Variants in SOS1 observed in about 807,000 individuals in gnomAD.
The protein encoded by SOS1 is SOS Ras/Rac guanine nucleotide exchange factor 1, also known as son of sevenless homolog 1.
In SOS1, 25 loss-of-function variants were observed where a neutral mutation model predicts 157.6. That is an observed-to-expected ratio of 0.16 (90% CI 0.12 to 0.22). The LOEUF (loss-of-function observed/expected upper bound fraction) is 0.22. SOS1 is among the 10% of genes least tolerant of loss of function. The pLI, the probability that SOS1 is intolerant of heterozygous loss-of-function variation, is 1.00. For missense variants in SOS1, 1,237 were observed against 1,599.1 expected, an observed-to-expected ratio of 0.77 and a Z score of 3.86; for synonymous variants, 528 against 534.0, an observed-to-expected ratio of 0.99 and a Z score of 0.16.
At chr2:39,030,143 G>A (rs1397992162) in intron 8 of SOS1, among the ~76,000 whole-genome samples, 3 of 151,048 alleles carry the variant, frequency 2.0e-5, no homozygotes, top group East Asian at 1.9e-4. Flanking sequence ...TCCAGCCTGG[G>A]TGACAGAACA....
chr2:39,053,959 G>A (rs373140872), intron 5 of SOS1, among the ~76,000 whole-genome samples: 122 of 150,436 alleles, frequency 8.1e-4, no homozygotes, highest in African/African-American at 2.9e-3. Flanking sequence ...ACGGAGTCTC[G>A]CTCTGTCGCC....
At position 38,985,849 on chromosome 2, in the gene SOS1, A is replaced by C. The variant is rs1371048349; in HGVS notation, c.3977T>G (p.Leu1326Arg). The change falls in exon 23 of 23, where the codon CTG becomes CGG. Residue 1326 changes from leucine (L) to arginine (R), a missense_variant. Physicochemically the swap from Leu to Arg is moderately radical, Grantham distance 102. Coordinates refer to ENST00000402219, the MANE Select transcript of SOS1 (RefSeq NM_005633.4). ...TCAGGAAGAATGGGCATTCTCCAACAGTGGTGGTCCATCTCTGTGCATGGA... is the reference window on the plus strand; with the variant it reads ...TCAGGAAGAATGGGCATTCTCCAACCGTGGTGGTCCATCTCTGTGCATGGA... ...HPSMHRDGPP[L>R]LENAHSS is the part of the protein sequence containing the mutation. 1 of 1,613,830 alleles carries C rather than the reference A, an allele frequency of 6.2e-7. No homozygotes were observed. Among genetic ancestry groups the C allele is most frequent in the Admixed American group, 1.7e-5 (1 of 59,980 alleles).
intron 1 of SOS1, among the ~76,000 whole-genome samples, chr2:39,072,299 T>C (rs1671819771): frequency 6.6e-6 from 1 of 152,202 alleles, no homozygotes. Flanking sequence ...CTCCTTGCTT[T>C]TCACTCTAAA....
chr2:38,984,846 T>A lies in SOS1; in HGVS notation c.*978A>T, dbSNP rs1668506847. ...GCAAGATAATTCTAGATATGCTGAT[T>A]ACTCAACTATGTGTAAAACATGAGC... On this transcript the variant is annotated 3_prime_UTR_variant, in exon 23 of 23. Transcript: ENST00000402219. 1 of 152,214 alleles carries A rather than the reference T, an allele frequency of 6.6e-6. No individual in the cohort carries two copies. The highest frequency in any genetic ancestry group is 1.9e-4 in the East Asian group (1 of 5,200). 9.4% of individuals were successfully genotyped at this position (152,214 alleles called of 1,614,324 possible). A position where few individuals can be genotyped will look rare whatever the true frequency, so the allele number is the denominator to read the frequency against.
intron 6 of SOS1, 56 bp from the exon 7 acceptor site, chr2:39,035,556 A>G (rs969427372): frequency 1.6e-6 from 2 of 1,290,016 alleles, no homozygotes; most frequent in Middle Eastern, 1.8e-4. Flanking sequence ...ACACAGAAAG[A>G]TTTAATTATG....
intron 1 of SOS1, among the ~76,000 whole-genome samples, chr2:39,099,370 A>C (rs297151): frequency 0.89 from 135,081 of 152,150 alleles, 60,085 homozygotes; most frequent in Non-Finnish European, 0.92. Context: ...TTATGAGTCC[A>C]TTTATATGAA....
At chr2:39,042,638 T>G (rs1203021851) in intron 6 of SOS1, among the ~76,000 whole-genome samples, 1 of 151,440 alleles carries the variant, frequency 6.6e-6, no homozygotes. Flanking sequence ...CTCCTGACCT[T>G]GTGATCCGCC....
chr2:38,992,926 C>T (rs1668776983), intron 20 of SOS1: 2 of 151,950 alleles, frequency 1.3e-5, no homozygotes, highest in Admixed American at 6.6e-5. Flanking sequence ...AAATATCTGA[C>T]AGCTTACTAT....
Position 38,985,851 on chromosome 2 carries a change from T to A in SOS1, c.3975A>T (p.Pro1325=). 1 of 1,613,754 alleles carries A rather than the reference T, an allele frequency of 6.2e-7. No individual in the cohort carries two copies. Among genetic ancestry groups the A allele is most frequent in the Non-Finnish European group, 8.5e-7 (1 of 1,179,800 alleles). Residue 1325 remains proline, a synonymous_variant, in exon 23 of 23, where the codon CCA becomes CCT. Transcript: ENST00000402219. The part of the protein sequence containing the change: ...THPSMHRDGP[P]LLENAHSS ...AGGAAGAATGGGCATTCTCCAACAG[T>A]GGTGGTCCATCTCTGTGCATGGATG...
chr2:38,987,743 A>T (rs993624809), intron 21 of SOS1, 152 bp from the exon 22 acceptor site: 3 of 613,512 alleles, frequency 4.9e-6, no homozygotes, highest in Non-Finnish European at 8.7e-6. Flanking sequence ...ATAGTATTTC[A>T]TTAAAGCAAA....
At chr2:39,113,967 T>C (rs959901752) in intron 1 of SOS1, among the ~76,000 whole-genome samples, 2 of 152,266 alleles carry the variant, frequency 1.3e-5, no homozygotes, top group Non-Finnish European at 2.9e-5. Flanking sequence ...TTCCATCTTC[T>C]ACTATCACAA....
chr2:39,051,226 C>T lies in SOS1; in HGVS notation c.782G>A (p.Gly261Asp). The part of the protein sequence containing the change: ...DIHELSVKLL[G>D]HIEDTVEMTD... ...CATTTCTACTGTATCTTCTATATGGCCCAGTAACTTTACACTAAGTTCATG... is the reference window on the plus strand; with the variant it reads ...CATTTCTACTGTATCTTCTATATGGTCCAGTAACTTTACACTAAGTTCATG... The change falls in exon 6 of 23, where the codon GGC (glycine) becomes GAC (aspartate). Residue 261 changes from glycine to aspartate, a missense_variant. Gly to Asp is a moderately conservative substitution (Grantham distance 94). Coordinates refer to ENST00000402219, the MANE Select transcript of SOS1 (RefSeq NM_005633.4). 2 of 1,611,780 alleles carry T rather than the reference C, an allele frequency of 1.2e-6. No individual in the cohort carries two copies. The highest frequency in any genetic ancestry group is 1.7e-6 in the Non-Finnish European group (2 of 1,177,932).
chr2:38,987,729 C>A (rs1040023115), intron 21 of SOS1, 138 bp from the exon 22 acceptor site: 9 of 645,254 alleles, frequency 1.4e-5, no homozygotes, highest in Non-Finnish European at 1.9e-5. Context: ...TAAACCAATA[C>A]CGAATAGTAT....
chr2:39,085,643 T>C (rs1015878840), intron 1 of SOS1, among the ~76,000 whole-genome samples: 2 of 152,224 alleles, frequency 1.3e-5, no homozygotes, highest in African/African-American at 2.4e-5. Flanking sequence ...ATACAACCAC[T>C]TCACAGTAAA....
intron 1 of SOS1, among the ~76,000 whole-genome samples, chr2:39,069,847 C>A (rs1401416940): frequency 2.0e-5 from 3 of 152,186 alleles, no homozygotes; most frequent in Non-Finnish European, 4.4e-5. Context: ...TGTGCTTGGC[C>A]TAAAACAAAT....
intron 2 of SOS1, among the ~76,000 whole-genome samples, 190 bp from the exon 3 acceptor site, chr2:39,058,994 A>G (rs1558493534): frequency 6.6e-6 from 1 of 152,144 alleles, no homozygotes; most frequent in Non-Finnish European, 1.5e-5. Flanking sequence ...TTAGACAATA[A>G]GAGACTAAAC....
chr2:39,093,042 T>C (rs1446211974), intron 1 of SOS1, among the ~76,000 whole-genome samples: 1 of 152,180 alleles, frequency 6.6e-6, no homozygotes, highest in African/African-American at 2.4e-5. Flanking sequence ...TATACAAAGA[T>C]GTCAAAAAAT....
rs191386771 is a variant in SOS1, at chr2:39,088,650, G to A, written c.88-20897C>T. Among the ~76,000 whole-genome samples, 7 of 152,270 alleles carry A rather than the reference G, an allele frequency of 4.6e-5. No individual in the cohort carries two copies. The East Asian group carries it at 1.4e-3, about 29-fold the overall frequency. On this transcript the variant is annotated intron_variant, in intron 1 of 22. Coordinates refer to ENST00000402219, the MANE Select transcript of SOS1 (RefSeq NM_005633.4). ...AAGATTCGCCCATGCTGCAGCATCA[G>A]AATTCTATTCCTTTCTAGGGCTGAA...
chr2:39,002,752 T>G (rs1572811982), intron 17 of SOS1, among the ~76,000 whole-genome samples: 1 of 152,224 alleles, frequency 6.6e-6, no homozygotes, highest in East Asian at 1.9e-4. Flanking sequence ...ATCAATGAAC[T>G]CAATATTTTT....
Sources: gnomAD v4.1 joint callset for allele counts (sites outside exome capture counted in the v4.1 genomes callset) on GRCh38, gnomAD v4.1.1 for gene constraint, MANE v1.5 for transcripts, NCBI Gene and HGNC (gene_info 2026-07-23, HGNC 2026-07-21) for gene names.